Variants in NEDD9 observed in about 807,000 individuals in gnomAD.
NEDD9 encodes the protein neural precursor cell expressed, developmentally down-regulated 9.
In NEDD9, 26 loss-of-function variants were observed where a neutral mutation model predicts 76.6. The observed-to-expected ratio is 0.34, with a 90% CI of 0.25 to 0.47. The LOEUF is 0.47. NEDD9 is among the 20% of genes least tolerant of loss of function. The pLI is 1.00. For synonymous variants in NEDD9, 392 were observed against 414.2 expected, an observed-to-expected ratio of 0.95 and a Z score of 0.65; for missense variants, 937 against 1,058.5, an observed-to-expected ratio of 0.89 and a Z score of 1.59.
At chr6:11,365,944 T>C (rs927146855) in intron 1 of NEDD9, among the ~76,000 whole-genome samples, 1 of 151,606 alleles carries the variant, frequency 6.6e-6, no homozygotes, top group Non-Finnish European at 1.5e-5. Context: ...TGAGCCGAGA[T>C]TGTGCTACTG....
intron 3 of NEDD9, among the ~76,000 whole-genome samples, chr6:11,261,212 G>A (rs757446245): frequency 2.6e-5 from 4 of 152,040 alleles, no homozygotes; most frequent in African/African-American, 7.2e-5. Context: ...CATCTTTTCC[G>A]ATTATCAAGC....
Position 11,324,274 on chromosome 6 carries a change from C to T in NEDD9, c.-153+10227G>A, listed in dbSNP as rs113443151. Among the ~76,000 whole-genome samples, 715 of 152,322 alleles carry T rather than the reference C, an allele frequency of 4.7e-3. 4 individuals are homozygous for T. Among genetic ancestry groups the T allele is most frequent in the African/African-American group, 0.016 (676 of 41,566 alleles). ...TGATCTTCCTGTCTCTGCCTGTCTC[C>T]TCTTTCCTGGCATGGCATGTGCTCT... On this transcript the variant is annotated intron_variant, in intron 2 of 3. Transcript: ENST00000397378.
At chr6:11,353,867 G>A (rs1300463457) in intron 1 of NEDD9, among the ~76,000 whole-genome samples, 2 of 152,202 alleles carry the variant, frequency 1.3e-5, no homozygotes, top group Non-Finnish European at 2.9e-5. Context: ...CCTTGCTCAT[G>A]GATAAGAGAA....
At chr6:11,262,218 G>A (rs970092538) in intron 3 of NEDD9, among the ~76,000 whole-genome samples, 1 of 152,126 alleles carries the variant, frequency 6.6e-6, no homozygotes, top group South Asian at 2.1e-4. Flanking sequence ...CTCTCAGATC[G>A]CCAGGGAAGC....
intron 2 of NEDD9, among the ~76,000 whole-genome samples, chr6:11,210,793 T>A (rs13203989): frequency 6.5e-5 from 5 of 77,384 alleles, no homozygotes; most frequent in African/African-American, 1.5e-4. Flanking sequence ...GAGAGAGAGA[T>A]AGAAAAGAGA....
intron 1 of NEDD9, among the ~76,000 whole-genome samples, chr6:11,358,119 C>T (rs113006964): frequency 7.9e-5 from 12 of 152,076 alleles, no homozygotes; most frequent in East Asian, 1.9e-4. Context: ...GTGCGTGCTG[C>T]ATGCCTGTAG....
intron 1 of NEDD9, among the ~76,000 whole-genome samples, chr6:11,358,734 T>G (rs1028588902): frequency 2.0e-5 from 3 of 152,198 alleles, no homozygotes; most frequent in Admixed American, 6.5e-5. Flanking sequence ...CCCCTGGTTT[T>G]ACAAAATACA....
Position 11,184,357 on chromosome 6 carries a change from T to C in NEDD9, c.*805A>G, listed in dbSNP as rs1757923663. On this transcript the variant is annotated 3_prime_UTR_variant, in exon 7 of 7. Coordinates refer to ENST00000379446, the MANE Select transcript of NEDD9 (RefSeq NM_006403.4). ...GGTTTTTACAACTCTAAAAACATCTTTTGGAAAACCTCATGACTGAACCAC... is the reference window on the plus strand; with the variant it reads ...GGTTTTTACAACTCTAAAAACATCTCTTGGAAAACCTCATGACTGAACCAC... 6.6e-6 allele frequency: 1 copy of C among 152,222 alleles called. No homozygotes were observed. The highest frequency in any genetic ancestry group is 1.5e-5 in the Non-Finnish European group (1 of 68,034). The allele number at this position is 152,222 out of a possible 1,614,324, so 9.4% of individuals were successfully genotyped here. A position where few individuals can be genotyped will look rare whatever the true frequency, so the allele number is the denominator to read the frequency against.
chr6:11,281,615 A>C (rs922555238), intron 3 of NEDD9, among the ~76,000 whole-genome samples: 9 of 152,176 alleles, frequency 5.9e-5, no homozygotes, highest in African/African-American at 1.9e-4. Context: ...TGGCTTCCCA[A>C]AGTGCTGGGA....
intron 3 of NEDD9, among the ~76,000 whole-genome samples, chr6:11,278,552 G>A (rs1760466147): frequency 6.6e-6 from 1 of 152,174 alleles, no homozygotes; most frequent in Non-Finnish European, 1.5e-5. Flanking sequence ...TTGCAGATTC[G>A]AAGAGCTCAA....
At chr6:11,325,181 C>A in intron 2 of NEDD9, among the ~76,000 whole-genome samples, 1 of 151,902 alleles carries the variant, frequency 6.6e-6, no homozygotes, top group East Asian at 1.9e-4. Context: ...ATGGCAAAAC[C>A]CTGTCTCTAC....
rs535811465 is a variant in NEDD9 at position 11,282,525 on chromosome 6, G to A, written c.12+23467C>T. On this transcript the variant is annotated intron_variant, in intron 3 of 3. Coordinates refer to the NEDD9 transcript ENST00000397378. ...GAACCCTGGATATCTCATAGACAAT[G>A]CCAACTTCACATGTCCAGAACAGAC... 2.0e-5 allele frequency among the ~76,000 whole-genome samples: 3 copies of A among 152,324 alleles called. No homozygotes were observed. The East Asian group carries it at 5.8e-4, about 29-fold the overall frequency.
At chr6:11,269,997 C>G (rs953894630) in intron 3 of NEDD9, among the ~76,000 whole-genome samples, 1 of 152,098 alleles carries the variant, frequency 6.6e-6, no homozygotes, top group Non-Finnish European at 1.5e-5. Flanking sequence ...TGTGGTGGTG[C>G]GTGCCTATAA....
intron 1 of NEDD9, among the ~76,000 whole-genome samples, chr6:11,369,421 C>A (rs944908693): frequency 6.6e-6 from 1 of 152,118 alleles, no homozygotes; most frequent in African/African-American, 2.4e-5. Context: ...CTTAAAAACA[C>A]ATTCCTACTG....
rs755745062 is a variant in NEDD9 at position 11,190,651 on chromosome 6, T to C, written c.1218A>G (p.Pro406=). ...GCTGAAGTCTCTCAATAGCTGTGTC[T>C]GGATCCAGGAAGAGCCTTTTGTCCT... The part of the protein sequence containing the change: ...PAQDKRLFLD[P]DTAIERLQRL... The change falls in exon 5 of 7, where the codon CCA becomes CCG. Residue 406 remains proline, a synonymous_variant. Coordinates refer to ENST00000379446, the MANE Select transcript of NEDD9 (RefSeq NM_006403.4). This position sits in a 1 kb window ranked among gnomAD's most constrained non-coding sequence, Gnocchi z 5.8. 2.5e-6 allele frequency: 4 copies of C among 1,614,156 alleles called. No homozygotes were observed. Among genetic ancestry groups the C allele is most frequent in the Non-Finnish European group, 3.4e-6 (4 of 1,180,018 alleles).
At chr6:11,320,149 G>T (rs58440167) in intron 2 of NEDD9, among the ~76,000 whole-genome samples, 1 of 152,054 alleles carries the variant, frequency 6.6e-6, no homozygotes, top group Non-Finnish European at 1.5e-5. Flanking sequence ...ACGCCCTGCC[G>T]CTCTTTCTCC....
intron 3 of NEDD9, among the ~76,000 whole-genome samples, chr6:11,268,026 A>G (rs1327122743): frequency 6.6e-6 from 1 of 152,046 alleles, no homozygotes; most frequent in East Asian, 1.9e-4. Context: ...AACGGCATCT[A>G]TAATATACTT....
chr6:11,206,016 T>C (rs1295053766), intron 2 of NEDD9, among the ~76,000 whole-genome samples: 1 of 152,282 alleles, frequency 6.6e-6, no homozygotes, highest in Non-Finnish European at 1.5e-5. Flanking sequence ...CTAGAAGTTA[T>C]CTTGACAACG....
chr6:11,194,514 G>C (rs1758242937), intron 2 of NEDD9, among the ~76,000 whole-genome samples: 1 of 152,202 alleles, frequency 6.6e-6, no homozygotes, highest in South Asian at 2.1e-4. Context: ...CAGGTCACCA[G>C]AGTACTTTTA....
Sources: allele counts gnomAD v4.1 joint callset (sites outside exome capture counted in the v4.1 genomes callset), GRCh38; gene constraint gnomAD v4.1.1; non-coding constraint Gnocchi (gnomAD v3.1); transcripts MANE v1.5; gene names NCBI Gene and HGNC (gene_info 2026-07-23, HGNC 2026-07-21).